Variants in KCNMA1 observed in about 807,000 individuals in gnomAD.
KCNMA1 encodes the protein Calcium-activated potassium channel subunit alpha-1.
A neutral mutation model predicts 140.0 loss-of-function variants in KCNMA1; 29 were observed. The ratio of observed to expected loss-of-function variants is 0.21; its 90% CI spans 0.15 to 0.28. KCNMA1 has a LOEUF of 0.28. Ranked by LOEUF, KCNMA1 falls within the 10% of genes least tolerant of loss-of-function variation. The pLI, the probability that KCNMA1 is intolerant of heterozygous loss-of-function variation, is 1.00. For missense variants in KCNMA1, 880 were observed against 1,602.2 expected, an observed-to-expected ratio of 0.55 and a Z score of 7.70; for synonymous variants, 612 against 611.9, an observed-to-expected ratio of 1.00 and a Z score of 0.00.
At chr10:77,001,222 G>T (rs565070330) in intron 19 of KCNMA1, among the ~76,000 whole-genome samples, 185 bp downstream of exon 19, 1 of 152,084 alleles carries the variant, frequency 6.6e-6, no homozygotes, top group Non-Finnish European at 1.5e-5. Context: ...AAAATCAGAA[G>T]GGAGGCCTTC....
At chr10:76,996,465 C>T (rs1033346857) in intron 19 of KCNMA1, among the ~76,000 whole-genome samples, 6 of 152,144 alleles carry the variant, frequency 3.9e-5, no homozygotes, top group Admixed American at 6.5e-5. Flanking sequence ...CTGCCTAGGC[C>T]GATCTGCCAC....
chr10:76,980,366 A>C (rs536041992), intron 19 of KCNMA1: 1 of 152,322 alleles, frequency 6.6e-6, no homozygotes, highest in Non-Finnish European at 1.5e-5. Flanking sequence ...ATCTCAGACC[A>C]GTTACTCCAT....
chr10:76,878,090 GTGA>G (rs2032850319), intron 29 of KCNMA1, among the ~76,000 whole-genome samples: 1 of 152,112 alleles, frequency 6.6e-6, no homozygotes, highest in Admixed American at 6.5e-5. Flanking sequence ...CCTGTAGCAA[GTGA>G]TGAACAAAAT....
chr10:77,270,530 CTTTT>C (rs796710174), intron 2 of KCNMA1, among the ~76,000 whole-genome samples: 48 of 142,616 alleles, frequency 3.4e-4, no homozygotes, highest in African/African-American at 1.1e-3. Flanking sequence ...CTCTCTCTTT[CTTTT>C]TTTTTTTTCC....
At chr10:76,970,550 A>G (rs1840020320) in intron 19 of KCNMA1, 1 of 200,188 alleles carries the variant, frequency 5.0e-6, no homozygotes, top group Middle Eastern at 2.4e-3. Context: ...ACCCCTGCAT[A>G]CCAGAGAAAG....
intron 1 of KCNMA1, among the ~76,000 whole-genome samples, chr10:77,415,906 G>A (rs3862499): frequency 0.11 from 16,595 of 152,212 alleles, 1,359 homozygotes; most frequent in East Asian, 0.3. Flanking sequence ...ACATTATATC[G>A]TTACTCCTTT....
intron 1 of KCNMA1, among the ~76,000 whole-genome samples, chr10:77,538,279 C>T (rs2059402250): frequency 6.6e-6 from 1 of 152,106 alleles, no homozygotes; most frequent in Admixed American, 6.5e-5. Context: ...TACACTCACA[C>T]TGCATACATG....
intron 5 of KCNMA1, among the ~76,000 whole-genome samples, chr10:77,135,191 T>C (rs1224838581): frequency 6.6e-6 from 1 of 151,888 alleles, no homozygotes; most frequent in Non-Finnish European, 1.5e-5. Context: ...AGGACCTGAA[T>C]AGACATTTCG....
At chr10:77,237,819 C>T (rs568031039) in intron 3 of KCNMA1, among the ~76,000 whole-genome samples, 1 of 152,310 alleles carries the variant, frequency 6.6e-6, no homozygotes, top group South Asian at 2.1e-4. Context: ...TATGAATATA[C>T]AATTCTGGCC....
At chr10:77,239,457 C>A (rs2056636188) in intron 3 of KCNMA1, among the ~76,000 whole-genome samples, 1 of 152,154 alleles carries the variant, frequency 6.6e-6, no homozygotes, top group Non-Finnish European at 1.5e-5. Flanking sequence ...GTGTGATGAG[C>A]AACATGAGAT....
At chr10:77,543,725 G>T (rs754933703) in intron 1 of KCNMA1, among the ~76,000 whole-genome samples, 5 of 152,298 alleles carry the variant, frequency 3.3e-5, no homozygotes, top group African/African-American at 9.6e-5. Flanking sequence ...GAATTCCTAC[G>T]TAGGGGACAT....
intron 23 of KCNMA1, among the ~76,000 whole-genome samples, chr10:76,918,918 T>TCA (rs71477059): frequency 0.068 from 9,812 of 143,774 alleles, 359 homozygotes; most frequent in South Asian, 0.1. Context: ...ATATATCACA[T>TCA]CACACACACA....
chr10:77,011,825 T>C lies in KCNMA1; in HGVS notation c.2092+142A>G, dbSNP rs150244045. ...CAAGGACAGGTATTTATTTCATATTTCTTTAAACTGCTGGGTGAAACATAA... is the reference window on the plus strand; with the variant it reads ...CAAGGACAGGTATTTATTTCATATTCCTTTAAACTGCTGGGTGAAACATAA... On this transcript the variant is annotated intron_variant, in intron 18 of 27. Coordinates refer to ENST00000286628, the MANE Select transcript of KCNMA1 (RefSeq NM_001161352.2). 31 of 759,476 alleles carry C rather than the reference T, an allele frequency of 4.1e-5. No homozygotes were observed. In the African/African-American group the frequency reaches 5.1e-4, roughly 12 times the overall value. 47.0% of individuals were successfully genotyped at this position (759,476 alleles called of 1,614,324 possible).
At chr10:77,611,638 T>G (rs886879167) in intron 1 of KCNMA1, among the ~76,000 whole-genome samples, 4 of 74,512 alleles carry the variant, frequency 5.4e-5, no homozygotes, top group Non-Finnish European at 1.2e-4. Context: ...TTATTATCAT[T>G]TTTTTTTCCA....
At chr10:77,597,322 G>A (rs1304858404) in intron 1 of KCNMA1, among the ~76,000 whole-genome samples, 1 of 152,000 alleles carries the variant, frequency 6.6e-6, no homozygotes, top group Non-Finnish European at 1.5e-5. Context: ...ACAATGTATT[G>A]TATATTTCTA....
At chr10:76,986,403 C>T (rs1424699509) in intron 19 of KCNMA1, among the ~76,000 whole-genome samples, 2 of 152,184 alleles carry the variant, frequency 1.3e-5, no homozygotes, top group African/African-American at 2.4e-5. Flanking sequence ...GCTTTGAGAA[C>T]GAAGTGTCTC....
intron 3 of KCNMA1, among the ~76,000 whole-genome samples, chr10:77,232,886 A>ATTTT (rs33988327): frequency 7.5e-6 from 1 of 132,728 alleles, no homozygotes; most frequent in African/African-American, 2.8e-5. Context: ...TCCCAGCACC[A>ATTTT]TTTTTTTTTT....
At chr10:77,332,236 T>C (rs931512509) in intron 2 of KCNMA1, among the ~76,000 whole-genome samples, 5 of 151,524 alleles carry the variant, frequency 3.3e-5, no homozygotes, top group Admixed American at 6.6e-5. Flanking sequence ...GGCCAGGGGA[T>C]GAGAGGGAAA....
chr10:77,472,198 C>CCA lies in KCNMA1; in HGVS notation c.379-68177_379-68176dup, dbSNP rs372536352. Among the ~76,000 whole-genome samples, 70 of 150,484 alleles carry CCA rather than the reference C, an allele frequency of 4.7e-4. 1 individual carries two copies. The highest frequency in any genetic ancestry group is 2.3e-3 in the East Asian group (12 of 5,120). ...CCCACATACACACCACACAAATACA[C>CCA]CACACACACACACACTACACACACA... On this transcript the variant is annotated intron_variant, in intron 1 of 27. Transcript: ENST00000286628.
Sources: allele counts gnomAD v4.1 joint callset (sites outside exome capture counted in the v4.1 genomes callset), GRCh38; gene constraint gnomAD v4.1.1; transcripts MANE v1.5; gene names NCBI Gene and HGNC (gene_info 2026-07-23, HGNC 2026-07-21).